The following SORCS2 variants were observed in gnomAD, a reference collection of about 807,000 sequenced individuals.
SORCS2 encodes the protein VPS10 domain-containing receptor SorCS2.
SORCS2 carries 100 observed loss-of-function variants against 141.6 expected under a neutral mutation model. The observed-to-expected ratio is 0.71, with a 90% CI of 0.60 to 0.83. SORCS2 has a LOEUF of 0.83. SORCS2 is among the 40% of genes least tolerant of loss of function. The pLI, the probability that SORCS2 is intolerant of heterozygous loss-of-function variation, is 0.00. For synonymous variants in SORCS2, 789 were observed against 676.9 expected (o/e 1.17, Z -2.57); for missense variants, 1,646 against 1,560.2 (o/e 1.05, Z -0.93).
intron 3 of SORCS2, among the ~76,000 whole-genome samples, chr4:7,545,104 T>G (rs1713146043): frequency 6.6e-6 from 1 of 150,386 alleles, no homozygotes; most frequent in African/African-American, 2.5e-5. Context: ...AATTATTCCC[T>G]CTTAAAGTCA....
At chr4:7,346,915 C>CA (rs1403561050) in intron 1 of SORCS2, among the ~76,000 whole-genome samples, 1 of 152,134 alleles carries the variant, frequency 6.6e-6, no homozygotes, top group Non-Finnish European at 1.5e-5. Flanking sequence ...TTCATGAGAT[C>CA]AGGGAGCATG....
intron 1 of SORCS2, among the ~76,000 whole-genome samples, chr4:7,387,802 A>G (rs1423735015): frequency 2.8e-4 from 33 of 117,510 alleles, no homozygotes; most frequent in East Asian, 1.6e-3. Context: ...GCATGCTCAC[A>G]TGCACACACA....
At chr4:7,458,815 G>A (rs759553731) in intron 2 of SORCS2, among the ~76,000 whole-genome samples, 3 of 152,084 alleles carry the variant, frequency 2.0e-5, no homozygotes, top group Non-Finnish European at 4.4e-5. Flanking sequence ...TGTCCCCAGG[G>A]GTCAGGGGAG....
At chr4:7,689,384 C>T (rs966736600) in intron 10 of SORCS2, 102 bp from the exon 11 acceptor site, 1 of 1,108,312 alleles carries the variant, frequency 9.0e-7, no homozygotes, top group Non-Finnish European at 1.3e-6. Context: ...GCCCAGCCTT[C>T]TCTCCCAAAA....
chr4:7,304,211 G>A (rs1717634276), intron 1 of SORCS2, among the ~76,000 whole-genome samples: 1 of 152,224 alleles, frequency 6.6e-6, no homozygotes, highest in Non-Finnish European at 1.5e-5. Flanking sequence ...CTTGCCTGGG[G>A]GTCGGGGAGA....
intron 19 of SORCS2, among the ~76,000 whole-genome samples, chr4:7,724,331 T>C (rs979041690): frequency 3.3e-5 from 4 of 122,258 alleles, no homozygotes; most frequent in African/African-American, 1.5e-4. Flanking sequence ...GGTGATAGGG[T>C]GATGGTGATG....
intron 1 of SORCS2, among the ~76,000 whole-genome samples, chr4:7,373,552 T>G (rs1219766324): frequency 7.0e-6 from 1 of 143,396 alleles, no homozygotes. Context: ...GAATGCAGTG[T>G]CATGATCTCT....
intron 8 of SORCS2, among the ~76,000 whole-genome samples, chr4:7,672,822 G>A (rs1445638135): frequency 6.6e-6 from 1 of 152,218 alleles, no homozygotes; most frequent in Admixed American, 6.5e-5. Flanking sequence ...GGTCATGCTT[G>A]TAAAATCTAG....
intron 9 of SORCS2, among the ~76,000 whole-genome samples, chr4:7,678,491 T>C (rs764596856): frequency 1.4e-4 from 19 of 140,108 alleles, no homozygotes; most frequent in Non-Finnish European, 2.9e-4. Context: ...TGTGTGGCCA[T>C]AGGTGGGTTT....
At chr4:7,434,596 C>G (rs1041537538) in intron 2 of SORCS2, 3 of 1,613,472 alleles carry the variant, frequency 1.9e-6, no homozygotes, top group Non-Finnish European at 2.5e-6. Context: ...GAGCCACTCA[C>G]AGGTCTTCAT....
At chr4:7,657,355 G>A (rs1159528504) in intron 5 of SORCS2, among the ~76,000 whole-genome samples, 2 of 151,952 alleles carry the variant, frequency 1.3e-5, no homozygotes, top group African/African-American at 4.8e-5. Context: ...GTGAATGAGT[G>A]AATGAGTAAC....
rs547764775 is a variant in SORCS2, at chr4:7,649,266, T to A, written c.814-4868T>A. Among the ~76,000 whole-genome samples, 244 of 147,382 alleles carry A rather than the reference T, an allele frequency of 1.7e-3. 1 individual carries two copies. The highest frequency in any genetic ancestry group is 5.9e-3 in the African/African-American group (238 of 40,252). On this transcript the variant is annotated intron_variant, in intron 4 of 26. Transcript: ENST00000507866. ...ACCCTGTGCACATATTAGTGCCACA[T>A]GTGTGAGTGAGCCCTGAGCCGAGCG...
intron 2 of SORCS2, among the ~76,000 whole-genome samples, chr4:7,476,500 G>A (rs1337886443): frequency 3.3e-5 from 5 of 152,060 alleles, no homozygotes; most frequent in Non-Finnish European, 7.4e-5. Flanking sequence ...CCATAGCAGC[G>A]CCTGGATGAC....
intron 1 of SORCS2, among the ~76,000 whole-genome samples, chr4:7,196,061 C>T (rs1256263819): frequency 3.9e-5 from 6 of 152,202 alleles, no homozygotes; most frequent in East Asian, 1.9e-4. Flanking sequence ...GCTACAGCTC[C>T]GTTTAACATT....
chr4:7,680,471 A>G (rs1414424603), intron 9 of SORCS2, among the ~76,000 whole-genome samples: 1 of 152,250 alleles, frequency 6.6e-6, no homozygotes, highest in Non-Finnish European at 1.5e-5. Context: ...ATCTGTAGTC[A>G]CTGAGTCGAG....
intron 2 of SORCS2, among the ~76,000 whole-genome samples, chr4:7,417,569 T>C (rs1725781369): frequency 6.6e-6 from 1 of 152,206 alleles, no homozygotes; most frequent in African/African-American, 2.4e-5. Flanking sequence ...TCTAATCCTG[T>C]TCTCCCACCT....
intron 1 of SORCS2, among the ~76,000 whole-genome samples, chr4:7,342,009 G>A (rs538941483): frequency 6.6e-6 from 1 of 152,328 alleles, no homozygotes; most frequent in Non-Finnish European, 1.5e-5. Flanking sequence ...GTCCAGTCAC[G>A]TCATACCATG....
At chr4:7,655,576 C>T (rs1721712184) in intron 5 of SORCS2, among the ~76,000 whole-genome samples, 1 of 152,238 alleles carries the variant, frequency 6.6e-6, no homozygotes, top group Non-Finnish European at 1.5e-5. Flanking sequence ...TCTGGAATGC[C>T]GATGGCTGGT....
At chr4:7,724,578 G>GGTAGTT (rs1726959490) in intron 19 of SORCS2, among the ~76,000 whole-genome samples, 1 of 64,026 alleles carries the variant, frequency 1.6e-5, no homozygotes, top group African/African-American at 6.1e-5. Context: ...TGGTGATGGT[G>GGTAGTT]ATGGTGGTGG....
Sources: gnomAD v4.1 joint callset for allele counts (sites outside exome capture counted in the v4.1 genomes callset) on GRCh38, gnomAD v4.1.1 for gene constraint, MANE v1.5 for transcripts, NCBI Gene and HGNC (gene_info 2026-07-23, HGNC 2026-07-21) for gene names.